Variants in C20orf96 observed in about 807,000 individuals in gnomAD.
C20orf96 encodes the protein chromosome 20 open reading frame 96.
In C20orf96, 57 loss-of-function variants were observed where a neutral mutation model predicts 52.6. The ratio of observed to expected loss-of-function variants is 1.08; its 90% confidence interval spans 0.88 to 1.35. The LOEUF (loss-of-function observed/expected upper bound fraction) is 1.35, where lower values mean the gene tolerates loss of function less well. Ranked by LOEUF, C20orf96 falls within the 40% of genes most tolerant of loss-of-function variation. The pLI is 0.00. For missense variants in C20orf96, 478 were observed against 443.6 expected, an observed-to-expected ratio of 1.08 and a Z score of -0.70; for synonymous variants, 168 against 157.2, an observed-to-expected ratio of 1.07 and a Z score of -0.51.
Position 276,206 on chromosome 20 carries a change from G to A in C20orf96, c.913-120C>T, listed in dbSNP as rs2012018450. The A allele has an allele frequency of 2.6e-6, 4 of 1,552,152 alleles. No homozygotes were observed. The Admixed American group carries it at 7.4e-5, about 29-fold the overall frequency. ...GGGAAATGGTATGGGTTCTGTCACT[G>A]GGACTTGCTGGACTCCAGGGAGGGG... On this transcript the variant is annotated intron_variant, in intron 9 of 10. Transcript: ENST00000360321.
chr20:289,689 C>A lies in C20orf96; in HGVS notation c.70-13G>T. 1 of 1,583,040 alleles carries A rather than the reference C, an allele frequency of 6.3e-7. No homozygotes were observed. Among genetic ancestry groups the A allele is most frequent in the Non-Finnish European group, 8.7e-7 (1 of 1,151,664 alleles). On this transcript the variant is annotated splice_polypyrimidine_tract_variant and intron_variant, in intron 2 of 10. Transcript: ENST00000360321. ...ATGGAACATAATCCTACAAAATATA[C>A]AATCAGTCACATAGCACCATGAGTT...
intron 5 of C20orf96, 37 bp downstream of exon 5, chr20:279,135 G>A (rs762860389): frequency 2.4e-6 from 3 of 1,260,048 alleles, no homozygotes; most frequent in African/African-American, 2.0e-5. Flanking sequence ...AGGTTGGGAC[G>A]GAGGGACGGA....
chr20:290,490 G>T (rs1451476624), intron 1 of C20orf96, 101 bp downstream of exon 1: 13 of 1,490,688 alleles, frequency 8.7e-6, no homozygotes, highest in Admixed American at 2.3e-5. Flanking sequence ...TCAGAAGACC[G>T]AGGGCGACCT....
chr20:276,692 T>A (rs1455839284), intron 9 of C20orf96, 101 bp downstream of exon 9: 48 of 1,530,226 alleles, frequency 3.1e-5, no homozygotes, highest in Non-Finnish European at 4.1e-5. Flanking sequence ...AGAGACCTCC[T>A]GAGCGCCAGA....
chr20:278,268 C>A, intron 6 of C20orf96, 62 bp downstream of exon 6: 2 of 1,234,368 alleles, frequency 1.6e-6, no homozygotes, highest in South Asian at 1.2e-5. Context: ...GGTGAATGCT[C>A]TGCTGCTGAC....
In C20orf96 at chr20:270,991, G is replaced by A. The variant is rs920098849; in HGVS notation, c.*216C>T. On this transcript the variant is annotated 3_prime_UTR_variant, in exon 11 of 11. Transcript: ENST00000360321. ...GAAAAAACCACAGGAAGAAAGAAAG[G>A]AGGGAGGGAGGGAGAGGAGGAAGGA... The A allele has an allele frequency of 1.5e-5, 8 of 524,674 alleles. No homozygotes were observed. The highest frequency in any genetic ancestry group is 2.0e-5 in the African/African-American group (1 of 49,110). The allele number at this position is 524,674 out of a possible 1,614,324, so 32.5% of individuals were successfully genotyped here. A position where few individuals can be genotyped will look rare whatever the true frequency, so the allele number is the denominator to read the frequency against.
At chr20:281,190 TA>T (rs1292087952) in intron 4 of C20orf96, among the ~76,000 whole-genome samples, 2 of 152,056 alleles carry the variant, frequency 1.3e-5, no homozygotes, top group Non-Finnish European at 2.9e-5. Flanking sequence ...AATACAATTT[TA>T]AAAAATTAAA....
chr20:271,223 T>C lies in C20orf96; in HGVS notation c.1076A>G (p.Glu359Gly). The C allele has an allele frequency of 6.4e-7, 1 of 1,556,114 alleles. No individual in the cohort carries two copies. The highest frequency in any genetic ancestry group is 8.7e-7 in the Non-Finnish European group (1 of 1,149,406). Residue 359 changes from glutamate (E) to glycine (G), a missense_variant, in exon 11 of 11, where the codon GAG becomes GGG. By Grantham distance (98) the Glu-to-Gly change is moderately conservative. Transcript: ENST00000360321. ...MDVILNIPVE[E>G]PLPF The stretch of plus-strand genomic sequence containing the variant: ...CACTGCCATCTAGAAGGGTAGTGGC[T>C]CTTCCACAGGAATGTTGAGGATGAC...
chr20:277,029 C>T lies in C20orf96; in HGVS notation c.825+15G>A, dbSNP rs1353087318. On this transcript the variant is annotated intron_variant, in intron 8 of 10. Coordinates refer to ENST00000360321, the MANE Select transcript of C20orf96 (RefSeq NM_153269.3). ...GACCTGGATCCCCGCTCCCACACAG[C>T]AACTGGCTACTCACCGCCACCACAG... is the stretch of plus-strand genomic sequence containing the variant. The T allele has an allele frequency of 1.2e-6, 2 of 1,610,272 alleles. No individual in the cohort carries two copies. The highest frequency in any genetic ancestry group is 1.7e-6 in the Non-Finnish European group (2 of 1,177,580).
chr20:290,228 C>T, intron 2 of C20orf96, 31 bp downstream of exon 2: 1 of 1,569,194 alleles, frequency 6.4e-7, no homozygotes, highest in South Asian at 1.1e-5. Flanking sequence ...CAGCGAGCCT[C>T]CCACCCCAGC....
intron 3 of C20orf96, among the ~76,000 whole-genome samples, chr20:288,534 G>A (rs890201045): frequency 6.6e-6 from 1 of 152,086 alleles, no homozygotes; most frequent in South Asian, 2.1e-4. Flanking sequence ...CATGAGGTGG[G>A]ACTCATCACC....
At chr20:289,747 T>C in intron 2 of C20orf96, 71 bp from the exon 3 acceptor site, 1 of 1,243,228 alleles carries the variant, frequency 8.0e-7, no homozygotes, top group East Asian at 2.4e-5. Context: ...CAGATATCTG[T>C]GACCCCAAGC....
In C20orf96 at chr20:276,839, A is replaced by G. The variant is rs748695512; in HGVS notation, c.866T>C (p.Met289Thr). 2 of 1,613,786 alleles carry G rather than the reference A, an allele frequency of 1.2e-6. No homozygotes were observed. The highest frequency in any genetic ancestry group is 1.7e-6 in the Non-Finnish European group (2 of 1,179,922). ...RPYEEALLQKMWESQDFLKCM... is the reference protein window; with the variant it reads ...RPYEEALLQKTWESQDFLKCM... ...TTTCAGGAAGTCCTGGCTTTCCCAC[A>G]TCTTCTGTAGGAGAGCCTCTTCATA... Residue 289 changes from methionine to threonine, a missense_variant, in exon 9 of 11, where the codon ATG becomes ACG. Transcript: ENST00000360321.
At position 277,133 on chromosome 20, in the gene C20orf96, C is replaced by T; in HGVS notation, c.736G>A (p.Asp246Asn). The T allele has an allele frequency of 3.7e-6, 6 of 1,613,918 alleles. No homozygotes were observed. Among genetic ancestry groups the T allele is most frequent in the Non-Finnish European group, 5.1e-6 (6 of 1,179,882 alleles). ...ACCTTTCTGCGCATCTCACCGAGGT[C>T]ATCCAGCTCATCCTGGGAGCCAGCA... ...VKDSQQDELDDLGEMRRKVLE... is the reference protein window; with the variant it reads ...VKDSQQDELDNLGEMRRKVLE... Residue 246 changes from aspartate to asparagine, a missense_variant, in exon 8 of 11, where the codon GAC becomes AAC. Asp to Asn is a conservative substitution (Grantham distance 23). Transcript: ENST00000360321.
At chr20:289,204 C>A (rs57263282) in intron 3 of C20orf96, among the ~76,000 whole-genome samples, 2,837 of 150,594 alleles carry the variant, frequency 0.019, 79 homozygotes, top group African/African-American at 0.065. Flanking sequence ...GGACCCCCCC[C>A]AAAAAAAATG....
At chr20:272,988 C>G (rs900161628) in intron 10 of C20orf96, among the ~76,000 whole-genome samples, 1 of 152,178 alleles carries the variant, frequency 6.6e-6, no homozygotes, top group Non-Finnish European at 1.5e-5. Context: ...CTTTTCTTTT[C>G]TTTTAAGAAA....
At position 277,062 on chromosome 20, in the gene C20orf96, A is replaced by C. The variant is rs1165044301; in HGVS notation, c.807T>G (p.Ile269Met). Residue 269 changes from isoleucine to methionine, a missense_variant, in exon 8 of 11, where the codon ATT becomes ATG. By Grantham distance (10) the Ile-to-Met change is conservative. Transcript: ENST00000360321. Reference sequence around the variant, plus strand: ...TACTCACCGCCACCACAGAACTCAGAATTTTTTTCTTCTTCTTCTGAATCT... The same window carrying C: ...TACTCACCGCCACCACAGAACTCAGCATTTTTTTCTTCTTCTTCTGAATCT... ...SDKIQKKKKK[I>M]LSSVVAETQR... 2 of 1,613,792 alleles carry C rather than the reference A, an allele frequency of 1.2e-6. No individual in the cohort carries two copies. The highest frequency in any genetic ancestry group is 2.2e-5 in the East Asian group (1 of 44,868).
At chr20:282,897 G>A (rs912674616) in intron 4 of C20orf96, among the ~76,000 whole-genome samples, 2 of 151,940 alleles carry the variant, frequency 1.3e-5, no homozygotes, top group African/African-American at 2.4e-5. Flanking sequence ...TAAAAACTAA[G>A]AGAAATATGA....
At chr20:278,722 T>C (rs1031148526) in intron 5 of C20orf96, among the ~76,000 whole-genome samples, 2 of 150,266 alleles carry the variant, frequency 1.3e-5, no homozygotes, top group African/African-American at 4.9e-5. Flanking sequence ...GGACGGGTGC[T>C]ATGGTGCCGC....
Sources: allele counts gnomAD v4.1 joint callset (sites outside exome capture counted in the v4.1 genomes callset), GRCh38; gene constraint gnomAD v4.1.1; transcripts MANE v1.5; gene names NCBI Gene and HGNC (gene_info 2026-07-23, HGNC 2026-07-21).